Variants in NEB observed in about 807,000 individuals in gnomAD.
NEB encodes the protein nemaline myopathy type 2.
NEB carries 512 observed loss-of-function variants against 952.2 expected under a neutral mutation model. That is an observed-to-expected ratio of 0.54 (90% confidence interval 0.50 to 0.58). NEB has a LOEUF of 0.58. Among genes scored for constraint, NEB ranks in the 20% least tolerant of loss-of-function variants. The pLI, the probability that NEB is intolerant of heterozygous loss-of-function variation, is 0.00. For missense variants in NEB, 8,428 were observed against 9,231.1 expected (o/e 0.91, Z 3.56); for synonymous variants, 2,900 against 3,149.8 (o/e 0.92, Z 2.66).
intron 35 of NEB, among the ~76,000 whole-genome samples, chr2:151,674,821 A>T (rs1007510273): frequency 6.6e-6 from 1 of 152,214 alleles, no homozygotes; most frequent in Non-Finnish European, 1.5e-5. Context: ...GAAAGACTGG[A>T]TCCAGAGAAA....
At chr2:151,667,324 T>G (rs1288865949) in intron 40 of NEB, among the ~76,000 whole-genome samples, 2 of 152,094 alleles carry the variant, frequency 1.3e-5, no homozygotes, top group African/African-American at 4.8e-5. Context: ...TTCATAACAA[T>G]GATACTAATG....
At chr2:151,650,464 C>T (rs2099018602) in intron 53 of NEB, 85 bp from the exon 54 acceptor site, 21 of 1,504,692 alleles carry the variant, frequency 1.4e-5, no homozygotes, top group Non-Finnish European at 1.9e-5. Context: ...CAAACAGATG[C>T]ATTTTAGATT....
rs927746574 is a variant in NEB, at chr2:151,619,442, G to A, written c.10872+9C>T. Reference sequence around the variant, plus strand: ...TTTAACATGCAGAGCTAACATCAAGGAAACTTACGTCACTCTGGAGGTCAT... The same window carrying A: ...TTTAACATGCAGAGCTAACATCAAGAAAACTTACGTCACTCTGGAGGTCAT... On this transcript the variant is annotated intron_variant, in intron 73 of 181. Transcript: ENST00000397345. 1.3e-6 allele frequency: 2 copies of A among 1,582,706 alleles called. No individual in the cohort carries two copies. Among genetic ancestry groups the A allele is most frequent in the Non-Finnish European group, 1.7e-6 (2 of 1,160,404 alleles).
rs1338093963 is a variant in NEB, at chr2:151,507,994, TA to T, written c.23451+10del. The T allele has an allele frequency of 6.3e-7, 1 of 1,589,430 alleles. No homozygotes were observed. The highest frequency in any genetic ancestry group is 8.6e-7 in the Non-Finnish European group (1 of 1,163,826). ...CCTGTGGGCTGTGCCTTACATTTAA[TA>T]AAAACTTACAAGGCTGAAGTTCTTT... On this transcript the variant is annotated intron_variant, in intron 162 of 181. Transcript: ENST00000397345.
Position 151,516,461 on chromosome 2 carries a change from C to G in NEB, c.22903G>C (p.Gly7635Arg). 1 of 1,605,710 alleles carries G rather than the reference C, an allele frequency of 6.2e-7. No homozygotes were observed. Among genetic ancestry groups the G allele is most frequent in the East Asian group, 2.2e-5 (1 of 44,796 alleles). The stretch of plus-strand genomic sequence containing the variant: ...GTGGTGTGGTTTTTTTGACTTACCC[C>G]ACTCTGCATCTGCTGAGACTCTTTG... ...TAKESQQMQSGKEYRKDYEES... is the reference protein window; with the variant it reads ...TAKESQQMQSRKEYRKDYEES... Residue 7635 changes from glycine (G) to arginine (R), a missense_variant and splice_region_variant, in exon 157 of 182, where the codon GGG (glycine) becomes CGG (arginine). Gly to Arg is a moderately radical substitution (Grantham distance 125, BLOSUM62 -2). Around this residue, in one of 11 missense-constraint regions of NEB, gnomAD observed 3,374 missense variants for 3,651.5 expected, o/e 0.92. Coordinates refer to ENST00000397345, the MANE Select transcript of NEB (RefSeq NM_001164508.2).
At position 151,672,625 on chromosome 2, in the gene NEB, C is replaced by T; in HGVS notation, c.4043G>A (p.Ser1348Asn). ...KSKGKHVGFR[S>N]LQDDPKLVHY... Reference sequence around the variant, plus strand: ...GACCAGCTTGGGATCATCCTGGAGGCTTCTGAAACCCACATGCTTTCCCTT... The same window carrying T: ...GACCAGCTTGGGATCATCCTGGAGGTTTCTGAAACCCACATGCTTTCCCTT... The change falls in exon 37 of 182, where the codon AGC becomes AAC. Residue 1348 changes from serine to asparagine, a missense_variant. Physicochemically the swap from Ser to Asn is conservative, Grantham distance 46. This residue lies in a region of NEB where 2,851 missense variants were observed against 2,791.5 expected (regional missense o/e 1.02). Coordinates refer to ENST00000397345, the MANE Select transcript of NEB (RefSeq NM_001164508.2). The T allele has an allele frequency of 6.2e-7, 1 of 1,613,974 alleles. No homozygotes were observed. Among genetic ancestry groups the T allele is most frequent in the South Asian group, 1.1e-5 (1 of 91,074 alleles).
In NEB at chr2:151,684,324, G is replaced by A. The variant is rs150106932; in HGVS notation, c.2835+454C>T. On this transcript the variant is annotated intron_variant, in intron 28 of 181. Coordinates refer to ENST00000397345, the MANE Select transcript of NEB (RefSeq NM_001164508.2). Reference sequence around the variant, plus strand: ...GAAGTTCTGATCTGCAGAAAAAACCGTTATAAATATTTATGTTAAATCATA... The same window carrying A: ...GAAGTTCTGATCTGCAGAAAAAACCATTATAAATATTTATGTTAAATCATA... 5.1e-3 allele frequency among the ~76,000 whole-genome samples: 782 copies of A among 152,182 alleles called. 7 individuals are homozygous for A. Among genetic ancestry groups the A allele is most frequent in the South Asian group, 0.019 (93 of 4,808 alleles).
chr2:151,488,980 T>A (rs1373164221), intron 181 of NEB, among the ~76,000 whole-genome samples: 2 of 152,210 alleles, frequency 1.3e-5, no homozygotes, highest in Non-Finnish European at 2.9e-5. Flanking sequence ...AGTTGAGTCC[T>A]TAAGTATTAT....
intron 54 of NEB, among the ~76,000 whole-genome samples, chr2:151,649,175 A>G (rs1214025188): frequency 6.6e-6 from 1 of 152,204 alleles, no homozygotes; most frequent in African/African-American, 2.4e-5. Flanking sequence ...GGATTCTGTC[A>G]TCATAAAAAT....
At chr2:151,595,405 C>T (rs2097409236) in intron 92 of NEB, among the ~76,000 whole-genome samples, 1 of 151,920 alleles carries the variant, frequency 6.6e-6, no homozygotes, top group African/African-American at 2.4e-5. Flanking sequence ...GCTCCCGCCA[C>T]CACGCCCAGC....
intron 9 of NEB, among the ~76,000 whole-genome samples, chr2:151,719,290 T>C (rs2099767776): frequency 2.0e-5 from 3 of 152,182 alleles, no homozygotes; most frequent in African/African-American, 4.8e-5. Flanking sequence ...ACTGAGGCCA[T>C]GGGGGAATGT....
chr2:151,625,500 G>A, intron 71 of NEB, 34 bp downstream of exon 71: 1 of 1,452,802 alleles, frequency 6.9e-7, no homozygotes. Flanking sequence ...CAATCAATGT[G>A]GCCAGACCAA....
Position 151,525,241 on chromosome 2 carries a change from T to TC in NEB, c.22193_22194insG (p.Gly7399ArgfsTer26). 6.2e-7 allele frequency: 1 copy of TC among 1,613,874 alleles called. No homozygotes were observed. The highest frequency in any genetic ancestry group is 8.5e-7 in the Non-Finnish European group (1 of 1,179,762). On this transcript the variant is annotated frameshift_variant, in exon 151 of 182. Coordinates refer to ENST00000397345, the MANE Select transcript of NEB (RefSeq NM_001164508.2). LOFTEE classifies it high-confidence loss of function. ...GCATGATGGAGTAGTTGGATTTTCC[T>TC]TTCTCCTTGACAAACTTCTTTTTGT...
chr2:151,721,354 G>A (rs529536066), intron 9 of NEB, among the ~76,000 whole-genome samples: 37 of 152,136 alleles, frequency 2.4e-4, no homozygotes, highest in South Asian at 1.0e-3. Flanking sequence ...TCCTGCTGCC[G>A]GCATTCTCAC....
rs971694850 is a variant in NEB, at chr2:151,545,540, A to T, written c.20577+348T>A. On this transcript the variant is annotated intron_variant, in intron 135 of 181. Transcript: ENST00000397345. ...CAGTGAGCCGAGATTGCGCCATTGC[A>T]CTTCAGACTGGGCAACAAGAGCAAA... Among the ~76,000 whole-genome samples, 15 of 152,048 alleles carry T rather than the reference A, an allele frequency of 9.9e-5. 1 individual carries two copies. The highest frequency in any genetic ancestry group is 1.8e-4 in the Non-Finnish European group (12 of 68,004).
rs1233200041 is a variant in NEB, at chr2:151,687,671, G to T, written c.2478C>A (p.Ala826=). The change falls in exon 26 of 182, where the codon GCC becomes GCA. Residue 826 remains alanine (A), a synonymous_variant. Coordinates refer to ENST00000397345, the MANE Select transcript of NEB (RefSeq NM_001164508.2). ...TGGCTTTGGCTGCCAACAGGGGAAT[G>T]GCGTCCACTTTAATGTCAAACTTCT... ...KAKKFDIKVD[A]IPLLAAKANT... The T allele has an allele frequency of 6.2e-7, 1 of 1,609,104 alleles. No homozygotes were observed. The highest frequency in any genetic ancestry group is 8.5e-7 in the Non-Finnish European group (1 of 1,177,142).
chr2:151,650,081 T>C, intron 54 of NEB, 95 bp downstream of exon 54: 2 of 1,150,454 alleles, frequency 1.7e-6, no homozygotes, highest in Non-Finnish European at 2.5e-6. Flanking sequence ...TATGAGGCAA[T>C]GCTTTGTGGT....
At chr2:151,504,511 A>G (rs1345253338) in intron 165 of NEB, among the ~76,000 whole-genome samples, 1 of 152,234 alleles carries the variant, frequency 6.6e-6, no homozygotes, top group Non-Finnish European at 1.5e-5. Context: ...TCTGTACCAC[A>G]GAGTATAAGC....
chr2:151,518,252 A>T (rs2079358515), intron 156 of NEB, 66 bp downstream of exon 156: 2 of 1,175,586 alleles, frequency 1.7e-6, no homozygotes, highest in East Asian at 2.3e-5. Flanking sequence ...AATCTATGAA[A>T]TTTTTTTTCA....
Sources: gnomAD v4.1 joint callset for allele counts (sites outside exome capture counted in the v4.1 genomes callset) on GRCh38, gnomAD v4.1.1 for gene constraint, gnomAD v4.1.1 regional missense constraint, MANE v1.5 for transcripts, NCBI Gene and HGNC (gene_info 2026-07-23, HGNC 2026-07-21) for gene names.